PDE3A: variants seen among roughly 807,000 people sequenced by gnomAD.
PDE3A encodes phosphodiesterase 3A.
A neutral mutation model predicts 98.3 loss-of-function variants in PDE3A; 43 were observed. The ratio of observed to expected loss-of-function variants is 0.44; its 90% CI spans 0.34 to 0.56. The LOEUF is 0.56. Among genes scored for constraint, PDE3A ranks in the 20% least tolerant of loss-of-function variants. The probability of loss-of-function intolerance (pLI) is 0.01; values close to 1 mark genes in which losing one functional copy is unlikely to be tolerated. For synonymous variants in PDE3A, 663 were observed against 567.9 expected (o/e 1.17, Z -2.38); for missense variants, 1,427 against 1,440.7 (o/e 0.99, Z 0.15).
At chr12:20,499,121 C>A (rs1235576530) in intron 1 of PDE3A, among the ~76,000 whole-genome samples, 2 of 152,096 alleles carry the variant, frequency 1.3e-5, no homozygotes, top group Non-Finnish European at 2.9e-5. Context: ...ACCCTGTGAC[C>A]TTGGACAATT....
At chr12:20,384,837 C>T (rs1010378283) in intron 1 of PDE3A, among the ~76,000 whole-genome samples, 5 of 152,172 alleles carry the variant, frequency 3.3e-5, no homozygotes, top group South Asian at 2.1e-4. Context: ...CAGCTCCATC[C>T]GTGTCCCTGC....
chr12:20,669,784 A>G (rs1945421279), intron 15 of PDE3A, among the ~76,000 whole-genome samples: 2 of 152,254 alleles, frequency 1.3e-5, no homozygotes, highest in South Asian at 2.1e-4. Flanking sequence ...GGAAGAAACT[A>G]CATAAACTAA....
At chr12:20,666,340 A>G (rs776796388) in intron 15 of PDE3A, among the ~76,000 whole-genome samples, 8 of 152,156 alleles carry the variant, frequency 5.3e-5, no homozygotes, top group Non-Finnish European at 1.2e-4. Flanking sequence ...ATTTTTAACA[A>G]TAATCACCTT....
At chr12:20,547,036 C>A (rs1326793826) in intron 1 of PDE3A, among the ~76,000 whole-genome samples, 1 of 152,098 alleles carries the variant, frequency 6.6e-6, no homozygotes, top group Non-Finnish European at 1.5e-5. Flanking sequence ...TGCTTTGCTG[C>A]TCCTAAGGTA....
At chr12:20,445,965 G>A (rs1018607016) in intron 1 of PDE3A, among the ~76,000 whole-genome samples, 2 of 152,256 alleles carry the variant, frequency 1.3e-5, no homozygotes, top group Admixed American at 6.5e-5. Flanking sequence ...CCTCAGAGCC[G>A]TGCCTTTGAT....
At chr12:20,634,800 C>T (rs923464537) in intron 7 of PDE3A, 102 bp from the exon 8 acceptor site, 79 of 784,342 alleles carry the variant, frequency 1.0e-4, no homozygotes, top group Middle Eastern at 9.1e-4. Flanking sequence ...CAGTATTTCC[C>T]TAAACACTAT....
At chr12:20,433,084 T>C (rs536760086) in intron 1 of PDE3A, among the ~76,000 whole-genome samples, 2 of 152,248 alleles carry the variant, frequency 1.3e-5, no homozygotes, top group East Asian at 3.9e-4. Context: ...TAACAATGAA[T>C]AGATGAAGAG....
chr12:20,644,641 T>C (rs1944728699), intron 10 of PDE3A, among the ~76,000 whole-genome samples: 1 of 152,168 alleles, frequency 6.6e-6, no homozygotes, highest in South Asian at 2.1e-4. Context: ...CTGTGAATTA[T>C]TTGTAAATGT....
intron 1 of PDE3A, among the ~76,000 whole-genome samples, chr12:20,417,683 G>A (rs946911307): frequency 1.3e-5 from 2 of 152,160 alleles, no homozygotes; most frequent in African/African-American, 4.8e-5. Flanking sequence ...CTGAAAGTAT[G>A]CATATAACCC....
At chr12:20,514,001 ATCTGTAG>A (rs1820836605) in intron 1 of PDE3A, among the ~76,000 whole-genome samples, 1 of 152,204 alleles carries the variant, frequency 6.6e-6, no homozygotes, top group South Asian at 2.1e-4. Flanking sequence ...TCCGCTAACC[ATCTGTAG>A]TCTGTTACAC....
At chr12:20,425,105 A>C (rs1944582020) in intron 1 of PDE3A, among the ~76,000 whole-genome samples, 2 of 152,228 alleles carry the variant, frequency 1.3e-5, no homozygotes. Context: ...TTGCAGGAAC[A>C]CACATGGGTT....
At chr12:20,603,204 T>C (rs1306106657) in intron 2 of PDE3A, among the ~76,000 whole-genome samples, 1 of 152,202 alleles carries the variant, frequency 6.6e-6, no homozygotes, top group Non-Finnish European at 1.5e-5. Flanking sequence ...TCTTACACTG[T>C]TTATTCGTCT....
chr12:20,495,772 G>A (rs1945908574), intron 1 of PDE3A, among the ~76,000 whole-genome samples: 1 of 152,124 alleles, frequency 6.6e-6, no homozygotes, highest in African/African-American at 2.4e-5. Context: ...TAAGCTTTCT[G>A]TATATGTTGC....
At chr12:20,567,349 C>G (rs1445114999) in intron 2 of PDE3A, among the ~76,000 whole-genome samples, 1 of 151,896 alleles carries the variant, frequency 6.6e-6, no homozygotes, top group Non-Finnish European at 1.5e-5. Flanking sequence ...ATAATAAAGC[C>G]AAGAAGCCTT....
intron 1 of PDE3A, among the ~76,000 whole-genome samples, chr12:20,473,203 G>A (rs1945470968): frequency 6.6e-6 from 1 of 152,090 alleles, no homozygotes; most frequent in Non-Finnish European, 1.5e-5. Flanking sequence ...TTAAAGAATA[G>A]CAAACATTGG....
chr12:20,679,987 A>T, intron 15 of PDE3A, 43 bp from the exon 16 acceptor site: 2 of 1,479,458 alleles, frequency 1.4e-6, no homozygotes, highest in South Asian at 1.2e-5. Context: ...TCAGCACACA[A>T]CTAAGTAGTC....
chr12:20,592,025 A>C (rs1943351087), intron 2 of PDE3A, among the ~76,000 whole-genome samples: 2 of 152,346 alleles, frequency 1.3e-5, no homozygotes, highest in African/African-American at 2.4e-5. Context: ...AGATCTGCAA[A>C]CAAATAATTC....
Position 20,558,419 on chromosome 12 carries a change from T to C in PDE3A, c.1011+1709T>C, listed in dbSNP as rs1942425042. 2.0e-5 allele frequency among the ~76,000 whole-genome samples: 3 copies of C among 152,158 alleles called. No individual in the cohort carries two copies. The South Asian group carries it at 6.2e-4, about 32-fold the overall frequency. ...AGCATTAAAATCGGCTTGCATGAAT[T>C]ACCATTATCAACATCAAGTCTTTTT... is the stretch of plus-strand genomic sequence containing the variant. On this transcript the variant is annotated intron_variant, in intron 2 of 15. Coordinates refer to ENST00000359062, the MANE Select transcript of PDE3A (RefSeq NM_000921.5).
chr12:20,375,558 T>C (rs1329036868), intron 1 of PDE3A, among the ~76,000 whole-genome samples: 1 of 151,974 alleles, frequency 6.6e-6, no homozygotes, highest in East Asian at 1.9e-4. Context: ...TGTGAATGTA[T>C]ACCACTGTTT....
Sources: gnomAD v4.1 joint callset for allele counts (sites outside exome capture counted in the v4.1 genomes callset) on GRCh38, gnomAD v4.1.1 for gene constraint, MANE v1.5 for transcripts, NCBI Gene and HGNC (gene_info 2026-07-23, HGNC 2026-07-21) for gene names.